MAST4: variants seen among roughly 807,000 people sequenced by gnomAD.
The protein encoded by MAST4 is microtubule associated serine/threonine kinase family member 4.
Under a neutral mutation model 162.7 loss-of-function variants are expected in MAST4, and 89 were observed. That is an observed-to-expected ratio of 0.55 (90% CI 0.46 to 0.65). The LOEUF (loss-of-function observed/expected upper bound fraction) is 0.65. MAST4 is among the 30% of genes least tolerant of loss of function. The probability of loss-of-function intolerance (pLI) is 0.00; values close to 1 mark genes in which losing one functional copy is unlikely to be tolerated. For missense variants in MAST4, 3,153 were observed against 3,374.0 expected (o/e 0.93, Z 1.62); for synonymous variants, 1,479 against 1,361.1 (o/e 1.09, Z -1.91).
intron 3 of MAST4, among the ~76,000 whole-genome samples, chr5:66,806,072 T>C (rs1343146804): frequency 6.6e-6 from 1 of 152,242 alleles, no homozygotes; most frequent in African/African-American, 2.4e-5. Flanking sequence ...CATTAATGAC[T>C]GCACCACTTT....
intron 5 of MAST4, among the ~76,000 whole-genome samples, chr5:67,069,965 A>G (rs1357795913): frequency 6.6e-6 from 1 of 151,516 alleles, no homozygotes; most frequent in Non-Finnish European, 1.5e-5. Context: ...AGAGATGCAA[A>G]TCATCTTAAA....
At chr5:67,035,725 C>T (rs2150458586) in intron 4 of MAST4, among the ~76,000 whole-genome samples, 1 of 152,226 alleles carries the variant, frequency 6.6e-6, no homozygotes, top group Non-Finnish European at 1.5e-5. Context: ...CACCTCTATC[C>T]CCAAGCCACA....
At chr5:67,084,709 C>T (rs74887472) in intron 5 of MAST4, among the ~76,000 whole-genome samples, 6 of 152,050 alleles carry the variant, frequency 3.9e-5, no homozygotes, top group Non-Finnish European at 8.8e-5. Context: ...TTTTACTTAT[C>T]GGGACAGGAG....
chr5:66,935,320 C>A (rs116685968), intron 4 of MAST4, among the ~76,000 whole-genome samples: 2,532 of 152,206 alleles, frequency 0.017, 29 homozygotes, highest in Middle Eastern at 0.027. Context: ...ATGTTTTTAG[C>A]GTAGAAGGTG....
At chr5:66,920,681 G>A (rs1764475121) in intron 4 of MAST4, among the ~76,000 whole-genome samples, 1 of 152,040 alleles carries the variant, frequency 6.6e-6, no homozygotes, top group African/African-American at 2.4e-5. Flanking sequence ...ATTAGAGACA[G>A]GGTTTCTCCG....
intron 3 of MAST4, among the ~76,000 whole-genome samples, chr5:66,800,972 GT>G (rs1755890947): frequency 1.3e-5 from 2 of 152,052 alleles, no homozygotes; most frequent in African/African-American, 4.8e-5. Flanking sequence ...AGATTAACAG[GT>G]TTTTACTGAA....
In MAST4 at chr5:67,114,154, G is replaced by T. The variant is rs756149069; in HGVS notation, c.1526G>T (p.Gly509Val). ...AAEGHAKEGQ[G>V]IKTDIPRYII... The stretch of plus-strand genomic sequence containing the variant: ...GAAGGCCATGCCAAAGAAGGACAGG[G>T]TATTAAAACCGACATTCCCAGGTAC... Residue 509 changes from glycine to valine, a missense_variant, in exon 12 of 29, where the codon GGT (glycine) becomes GTT (valine). By Grantham distance (109) the Gly-to-Val change is moderately radical. Around this residue, in one of 7 missense-constraint regions of MAST4, gnomAD observed 360 missense variants for 450.0 expected, o/e 0.80. Coordinates refer to ENST00000403625, the MANE Select transcript of MAST4 (RefSeq NM_001164664.2). 9.9e-6 allele frequency: 16 copies of T among 1,612,352 alleles called. No homozygotes were observed. Among genetic ancestry groups the T allele is most frequent in the Non-Finnish European group, 1.3e-5 (15 of 1,179,454 alleles).
chr5:66,713,706 G>A (rs4131616), intron 1 of MAST4, among the ~76,000 whole-genome samples: 41,232 of 151,986 alleles, frequency 0.27, 6,213 homozygotes, highest in East Asian at 0.55. Flanking sequence ...ATATTGTGAT[G>A]CTTTTATTAG....
chr5:67,021,204 A>G (rs1470355738), intron 4 of MAST4, among the ~76,000 whole-genome samples: 1 of 152,210 alleles, frequency 6.6e-6, no homozygotes, highest in Admixed American at 6.5e-5. Flanking sequence ...GCCTTGAGCC[A>G]TGGTACAGGA....
At chr5:66,877,356 C>G (rs1292657292) in intron 3 of MAST4, among the ~76,000 whole-genome samples, 1 of 152,222 alleles carries the variant, frequency 6.6e-6, no homozygotes, top group Non-Finnish European at 1.5e-5. Context: ...ATGTGAACCA[C>G]TTTCATCTGT....
intron 5 of MAST4, among the ~76,000 whole-genome samples, chr5:67,083,202 A>T (rs1376792132): frequency 6.6e-6 from 1 of 152,218 alleles, no homozygotes; most frequent in Non-Finnish European, 1.5e-5. Context: ...AATGCCTTTG[A>T]TCCTTTAAAT....
chr5:66,893,084 C>T (rs1337467296), intron 3 of MAST4, among the ~76,000 whole-genome samples: 1 of 152,132 alleles, frequency 6.6e-6, no homozygotes, highest in African/African-American at 2.4e-5. Flanking sequence ...TAGCTAATTT[C>T]TTTATTTTTC....
At chr5:66,792,899 A>G (rs1038089805) in intron 3 of MAST4, among the ~76,000 whole-genome samples, 1 of 152,196 alleles carries the variant, frequency 6.6e-6, no homozygotes, top group Non-Finnish European at 1.5e-5. Context: ...AAAAACAAGG[A>G]ACCAAATTGG....
intron 26 of MAST4, among the ~76,000 whole-genome samples, chr5:67,156,887 T>C (rs1029587092): frequency 9.2e-5 from 14 of 152,216 alleles, no homozygotes; most frequent in African/African-American, 2.9e-4. Flanking sequence ...AGAGAAGAAA[T>C]TGGACAGCCT....
intron 1 of MAST4, among the ~76,000 whole-genome samples, chr5:66,604,186 GA>G (rs1160363304): frequency 8.5e-5 from 13 of 152,200 alleles, no homozygotes; most frequent in African/African-American, 2.9e-4. Flanking sequence ...GAACTTGTGT[GA>G]AATTCCTGGT....
intron 1 of MAST4, among the ~76,000 whole-genome samples, chr5:66,611,752 C>G (rs1053751982): frequency 6.6e-6 from 1 of 152,206 alleles, no homozygotes; most frequent in Non-Finnish European, 1.5e-5. Flanking sequence ...CAGATGGGCA[C>G]TGTCTTGAAT....
At chr5:67,158,330 CTT>C (rs1397985303) in intron 26 of MAST4, among the ~76,000 whole-genome samples, 1 of 152,052 alleles carries the variant, frequency 6.6e-6, no homozygotes, top group Non-Finnish European at 1.5e-5. Context: ...ACTTTTTTCT[CTT>C]GTTGAAGTTA....
intron 5 of MAST4, among the ~76,000 whole-genome samples, chr5:67,069,100 T>C (rs1206235970): frequency 2.0e-5 from 3 of 151,968 alleles, no homozygotes; most frequent in African/African-American, 7.3e-5. Flanking sequence ...GTATCAGATG[T>C]TGATGAACAG....
At chr5:66,680,222 T>A (rs761304429) in intron 1 of MAST4, among the ~76,000 whole-genome samples, 1 of 152,232 alleles carries the variant, frequency 6.6e-6, no homozygotes, top group African/African-American at 2.4e-5. Context: ...CCTTTCATAC[T>A]GGAAGGATGT....
Sources: allele counts gnomAD v4.1 joint callset (sites outside exome capture counted in the v4.1 genomes callset), GRCh38; gene constraint gnomAD v4.1.1; regional missense constraint gnomAD v4.1.1; transcripts MANE v1.5; gene names NCBI Gene and HGNC (gene_info 2026-07-23, HGNC 2026-07-21).